Variants in SOX6 observed in about 807,000 individuals in gnomAD.
SOX6 encodes transcription factor SOX-6.
A neutral mutation model predicts 97.8 loss-of-function variants in SOX6; 11 were observed. That is an observed-to-expected ratio of 0.11 (90% CI 0.07 to 0.19). SOX6 has a LOEUF of 0.19. Among genes scored for constraint, SOX6 ranks in the 10% least tolerant of loss-of-function variants. SOX6 has a pLI of 1.00. For missense variants in SOX6, 810 were observed against 1,039.5 expected, an observed-to-expected ratio of 0.78 and a Z score of 3.04; for synonymous variants, 360 against 371.4, an observed-to-expected ratio of 0.97 and a Z score of 0.35.
chr11:16,212,623 T>C (rs1852261596), intron 4 of SOX6, among the ~76,000 whole-genome samples: 1 of 152,206 alleles, frequency 6.6e-6, no homozygotes, highest in Admixed American at 6.5e-5. Context: ...GGATTGTTAA[T>C]GCATAGAGTA....
chr11:16,540,644 T>C (rs1861391773), intron 4 of SOX6, among the ~76,000 whole-genome samples: 1 of 152,176 alleles, frequency 6.6e-6, no homozygotes, highest in Non-Finnish European at 1.5e-5. Context: ...AAAATCAATG[T>C]GCAAAAATCA....
rs149146797 is a variant in SOX6, at chr11:16,054,397, G to A, written c.1251+1355C>T. On this transcript the variant is annotated intron_variant, in intron 10 of 15. Coordinates refer to ENST00000683767, the MANE Select transcript of SOX6 (RefSeq NM_001367873.1). ...CATAAGTGATTCTGTCTTATTAAATGTAAACTTCCTATTGTCATATCTCAA... is the reference window on the plus strand; with the variant it reads ...CATAAGTGATTCTGTCTTATTAAATATAAACTTCCTATTGTCATATCTCAA... 1.8e-4 allele frequency among the ~76,000 whole-genome samples: 28 copies of A among 152,188 alleles called. No homozygotes were observed. In the East Asian group the frequency reaches 5.0e-3, roughly 27 times the overall value.
chr11:16,002,250 A>G (rs1160451347), intron 13 of SOX6, among the ~76,000 whole-genome samples: 1 of 152,164 alleles, frequency 6.6e-6, no homozygotes, highest in Non-Finnish European at 1.5e-5. Flanking sequence ...AATGTTTTTC[A>G]TCTGAGCTTA....
chr11:16,114,969 G>A (rs960976551), intron 6 of SOX6, among the ~76,000 whole-genome samples: 2 of 152,106 alleles, frequency 1.3e-5, no homozygotes, highest in Non-Finnish European at 2.9e-5. Context: ...AAACTCTCGG[G>A]TTCATTTTTA....
At position 16,724,490 on chromosome 11, in the gene SOX6, A is replaced by T. The variant is rs987677964; in HGVS notation, n.354-9585T>A. Among the ~76,000 whole-genome samples the T allele has an allele frequency of 2.6e-5, 4 of 152,218 alleles. No individual in the cohort carries two copies. The South Asian group carries it at 8.3e-4, about 32-fold the overall frequency. ...TCAGAAAGGCTGTAGGCTTTAAAAA[A>T]AAAAAAAGGACAATAAAATGTGGTC... On this transcript the variant is annotated intron_variant and non_coding_transcript_variant, in intron 2 of 5. Transcript: ENST00000524520.
intron 1 of SOX6, among the ~76,000 whole-genome samples, chr11:16,417,272 C>CT (rs1406784457): frequency 1.3e-5 from 2 of 152,270 alleles, no homozygotes; most frequent in Non-Finnish European, 2.9e-5. Flanking sequence ...ATCCATACCC[C>CT]TGGCCCATCC....
chr11:16,367,633 A>T (rs1857391732), intron 1 of SOX6, among the ~76,000 whole-genome samples: 1 of 152,180 alleles, frequency 6.6e-6, no homozygotes, highest in African/African-American at 2.4e-5. Flanking sequence ...ATCACCTTGG[A>T]AGACTGCTCT....
chr11:16,185,964 G>T (rs1213390542), intron 5 of SOX6, among the ~76,000 whole-genome samples: 3 of 152,042 alleles, frequency 2.0e-5, no homozygotes, highest in African/African-American at 7.2e-5. Flanking sequence ...AATAATGTCA[G>T]ATTCCTAAAA....
chr11:16,105,711 C>T (rs980789804), intron 7 of SOX6, among the ~76,000 whole-genome samples: 1 of 152,006 alleles, frequency 6.6e-6, no homozygotes, highest in South Asian at 2.1e-4. Context: ...CTAGCCACTG[C>T]TATTAGACAA....
chr11:16,098,272 G>A (rs545858480), intron 7 of SOX6, among the ~76,000 whole-genome samples: 2 of 151,824 alleles, frequency 1.3e-5, no homozygotes, highest in Non-Finnish European at 2.9e-5. Context: ...AACCATGTTT[G>A]TCTGGATTAA....
chr11:16,259,253 C>T (rs901280154), intron 3 of SOX6, among the ~76,000 whole-genome samples: 1 of 151,632 alleles, frequency 6.6e-6, no homozygotes, highest in Non-Finnish European at 1.5e-5. Context: ...TCCATTAAAA[C>T]CCTACAAAAT....
Position 16,208,513 on chromosome 11 carries a change from A to C in SOX6, c.536-21558T>G, listed in dbSNP as rs184780774. Among the ~76,000 whole-genome samples, 151 of 152,362 alleles carry C rather than the reference A, an allele frequency of 9.9e-4. 1 individual carries two copies. The highest frequency in any genetic ancestry group is 2.4e-4 in the Non-Finnish European group (16 of 68,036). ...TCAGAGTAGACTGCTTTTTTAAAAAATAGAACAGCATTTTTACTTGAAAAA... is the reference window on the plus strand; with the variant it reads ...TCAGAGTAGACTGCTTTTTTAAAAACTAGAACAGCATTTTTACTTGAAAAA... On this transcript the variant is annotated intron_variant, in intron 4 of 15. Transcript: ENST00000683767.
chr11:16,131,149 A>G (rs1014031413), intron 6 of SOX6, among the ~76,000 whole-genome samples: 1 of 151,966 alleles, frequency 6.6e-6, no homozygotes, highest in Non-Finnish European at 1.5e-5. Context: ...TCTTTAGAAG[A>G]CATGGTTAAA....
rs549899029 is a variant in SOX6 at position 16,044,316 on chromosome 11, T to C, written c.1623+2198A>G. Among the ~76,000 whole-genome samples, 3 of 152,256 alleles carry C rather than the reference T, an allele frequency of 2.0e-5. No homozygotes were observed. The East Asian group carries it at 5.8e-4, about 29-fold the overall frequency. ...CACCACAAAAAATTACCTACAACTGTATTATGAGCTACAAAGAACAAATTC... is the reference window on the plus strand; with the variant it reads ...CACCACAAAAAATTACCTACAACTGCATTATGAGCTACAAAGAACAAATTC... On this transcript the variant is annotated intron_variant, in intron 12 of 15. Coordinates refer to ENST00000683767, the MANE Select transcript of SOX6 (RefSeq NM_001367873.1).
chr11:16,108,351 T>C (rs1849148139), intron 7 of SOX6, among the ~76,000 whole-genome samples: 3 of 152,076 alleles, frequency 2.0e-5, no homozygotes, highest in Admixed American at 2.0e-4. Context: ...CATAAAGCAA[T>C]GGGTCAGCTA....
rs531609432 is a variant in SOX6, at chr11:16,506,599, G to C, written n.610-30211C>G. On this transcript the variant is annotated intron_variant and non_coding_transcript_variant, in intron 4 of 5. Transcript: ENST00000524520. ...TGAGAAGGACATGAGATTTGGCAGG[G>C]GCCAAGGGCAGGATGATATGGTTTG... Among the ~76,000 whole-genome samples the C allele has an allele frequency of 1.8e-3, 271 of 152,276 alleles. 3 individuals carry two copies. In the South Asian group the frequency reaches 0.026, roughly 15 times the overall value.
At chr11:16,517,601 A>G (rs1860993653) in intron 4 of SOX6, among the ~76,000 whole-genome samples, 1 of 152,170 alleles carries the variant, frequency 6.6e-6, no homozygotes, top group Non-Finnish European at 1.5e-5. Flanking sequence ...CAGTTTCAAT[A>G]CTTCTTACAT....
intron 6 of SOX6, among the ~76,000 whole-genome samples, chr11:16,130,898 C>G (rs1014701767): frequency 6.6e-6 from 1 of 151,758 alleles, no homozygotes; most frequent in African/African-American, 2.4e-5. Context: ...ATAGGCTTTG[C>G]TATAAATAGG....
At chr11:16,653,286 G>C (rs2134014892) in intron 3 of SOX6, among the ~76,000 whole-genome samples, 1 of 152,216 alleles carries the variant, frequency 6.6e-6, no homozygotes, top group Admixed American at 6.5e-5. Flanking sequence ...CAGAGGAAAA[G>C]AAGTCATTAT....
Sources: gnomAD v4.1 joint callset for allele counts (sites outside exome capture counted in the v4.1 genomes callset) on GRCh38, gnomAD v4.1.1 for gene constraint, MANE v1.5 for transcripts, NCBI Gene and HGNC (gene_info 2026-07-23, HGNC 2026-07-21) for gene names.